The following B3GNT2 variants were observed in gnomAD, a reference collection of about 807,000 sequenced individuals.
B3GNT2 encodes UDP-GlcNAc:betaGal beta-1,3-N-acetylglucosaminyltransferase 2, also known as N-acetyllactosaminide beta-1,3-N-acetylglucosaminyltransferase 2.
In B3GNT2, 12 loss-of-function variants were observed where a neutral mutation model predicts 27.6. The observed-to-expected ratio is 0.44, with a 90% confidence interval of 0.28 to 0.71. The LOEUF (loss-of-function observed/expected upper bound fraction) is 0.71, where lower values mean the gene tolerates loss of function less well. Ranked by LOEUF, B3GNT2 falls within the 30% of genes least tolerant of loss-of-function variation. The pLI is 0.17. For missense variants in B3GNT2, 413 were observed against 488.5 expected, an observed-to-expected ratio of 0.85 and a Z score of 1.46; for synonymous variants, 192 against 189.7, an observed-to-expected ratio of 1.01 and a Z score of -0.10.
intron 1 of B3GNT2, among the ~76,000 whole-genome samples, chr2:62,212,216 A>G (rs1357316266): frequency 6.6e-6 from 1 of 152,164 alleles, no homozygotes; most frequent in African/African-American, 2.4e-5. Flanking sequence ...GTGCATGCGC[A>G]TGCTTTTCCT....
rs113826839 is a variant in B3GNT2, at chr2:62,202,639, C to A, written c.-10+6284C>A. ...AAGATGGGCCTGAGCGTGAATGAGGCGAGCCTGACCCCGGGCAGGTCATTG... is the reference window on the plus strand; with the variant it reads ...AAGATGGGCCTGAGCGTGAATGAGGAGAGCCTGACCCCGGGCAGGTCATTG... On this transcript the variant is annotated intron_variant, in intron 1 of 1. Coordinates refer to ENST00000301998, the MANE Select transcript of B3GNT2 (RefSeq NM_006577.6). Among the ~76,000 whole-genome samples the A allele has an allele frequency of 2.0e-5, 3 of 152,130 alleles. No homozygotes were observed. The East Asian group carries it at 5.8e-4, about 29-fold the overall frequency.
At chr2:62,217,950 C>G (rs897363264) in intron 1 of B3GNT2, among the ~76,000 whole-genome samples, 1 of 152,146 alleles carries the variant, frequency 6.6e-6, no homozygotes, top group African/African-American at 2.4e-5. Context: ...CTGTTGGGGA[C>G]AAGGTAAAAA....
chr2:62,204,018 T>C (rs1674321640), intron 1 of B3GNT2, among the ~76,000 whole-genome samples: 1 of 152,114 alleles, frequency 6.6e-6, no homozygotes, highest in South Asian at 2.1e-4. Flanking sequence ...CTTGCTGCAG[T>C]TTATTTGTGC....
Position 62,223,470 on chromosome 2 carries a change from TGTG to T in B3GNT2, c.*57_*59del. ...GGTGTATTTTGAATAGTTCCCATGT[TGTG>T]TTCTCACATTAGAGTAATTTCTATA... On this transcript the variant is annotated 3_prime_UTR_variant, in exon 2 of 2. Transcript: ENST00000301998. The T allele has an allele frequency of 1.4e-6, 2 of 1,411,518 alleles. No homozygotes were observed. The highest frequency in any genetic ancestry group is 1.9e-6 in the Non-Finnish European group (2 of 1,034,172). The allele number at this position is 1,411,518 out of a possible 1,614,324, so 87.4% of individuals were successfully genotyped here. A position where few individuals can be genotyped will look rare whatever the true frequency, so the allele number is the denominator to read the frequency against.
At chr2:62,196,937 C>T (rs553029812) in intron 1 of B3GNT2, among the ~76,000 whole-genome samples, 2 of 151,842 alleles carry the variant, frequency 1.3e-5, no homozygotes, top group African/African-American at 4.8e-5. Flanking sequence ...CAGCCGCTCC[C>T]CACCCCCCAC....
At position 62,212,177 on chromosome 2, in the gene B3GNT2, A is replaced by G. The variant is rs1165940800; in HGVS notation, c.-9-10035A>G. ...GCTCTGAAGGGGACCTTGTAGGAGG[A>G]AGGGATTTTTCTTCCTGATTTCATA... is the stretch of plus-strand genomic sequence containing the variant. On this transcript the variant is annotated intron_variant, in intron 1 of 1. Transcript: ENST00000301998. 5.9e-5 allele frequency among the ~76,000 whole-genome samples: 9 copies of G among 152,150 alleles called. No homozygotes were observed. The South Asian group carries it at 1.0e-3, about 18-fold the overall frequency.
At position 62,222,126 on chromosome 2, in the gene B3GNT2, A is replaced by G. The variant is rs746695592; in HGVS notation, c.-9-86A>G. On this transcript the variant is annotated intron_variant, in intron 1 of 1. Coordinates refer to ENST00000301998, the MANE Select transcript of B3GNT2 (RefSeq NM_006577.6). The surrounding 1 kb of genome is among the most constrained non-coding windows in gnomAD (Gnocchi z 4.2). ...TGTAGAGTCTTTGCTGTAAACCACT[A>G]TTCCTGGGGAGACAGGTAAAATAAA... 50 of 1,215,274 alleles carry G rather than the reference A, an allele frequency of 4.1e-5. No individual in the cohort carries two copies. The highest frequency in any genetic ancestry group is 5.5e-5 in the Non-Finnish European group (48 of 872,482). 75.3% of individuals were successfully genotyped at this position (1,215,274 alleles called of 1,614,324 possible).
chr2:62,210,774 A>AAAT (rs543749395), intron 1 of B3GNT2, among the ~76,000 whole-genome samples: 12 of 151,946 alleles, frequency 7.9e-5, no homozygotes, highest in Non-Finnish European at 7.4e-5. Flanking sequence ...ATCTCAAAAA[A>AAAT]AATAATAATA....
intron 1 of B3GNT2, chr2:62,221,895 C>T: frequency 1.8e-6 from 1 of 540,570 alleles, no homozygotes; most frequent in Admixed American, 2.0e-5. Flanking sequence ...TTCAGCATGT[C>T]TCAAACAGTC....
At position 62,222,727 on chromosome 2, in the gene B3GNT2, C is replaced by A. The variant is rs537607171; in HGVS notation, c.507C>A (p.Ser169Arg). 4 of 1,614,238 alleles carry A rather than the reference C, an allele frequency of 2.5e-6. No homozygotes were observed. The South Asian group carries it at 4.4e-5, about 18-fold the overall frequency. ...TCCGGGAATCCTGGGGCCAAGAAAG[C>A]AACGCAGGGAACCAAACGGTGGTGC... ...QAIRESWGQE[S>R]NAGNQTVVRV... is the part of the protein sequence containing the mutation. Residue 169 changes from serine (S) to arginine (R), a missense_variant, in exon 2 of 2, where the codon AGC becomes AGA. Transcript: ENST00000301998. This position sits in a 1 kb window ranked among gnomAD's most constrained non-coding sequence, Gnocchi z 4.2.
At chr2:62,196,998 C>A (rs1461080574) in intron 1 of B3GNT2, among the ~76,000 whole-genome samples, 2 of 150,244 alleles carry the variant, frequency 1.3e-5, no homozygotes, top group Non-Finnish European at 3.0e-5. Context: ...TGGTTTCTGC[C>A]AAACTTAGGG....
At chr2:62,218,113 G>GGTAA (rs1674610204) in intron 1 of B3GNT2, among the ~76,000 whole-genome samples, 2 of 152,204 alleles carry the variant, frequency 1.3e-5, no homozygotes, top group Non-Finnish European at 2.9e-5. Flanking sequence ...TCCTGCTGAA[G>GGTAA]AAAGGACATT....
intron 1 of B3GNT2, among the ~76,000 whole-genome samples, chr2:62,214,898 C>T (rs1289016895): frequency 1.3e-5 from 2 of 152,158 alleles, no homozygotes; most frequent in Non-Finnish European, 2.9e-5. Flanking sequence ...TTTTAAATTG[C>T]ATAATCTTTC....
intron 1 of B3GNT2, among the ~76,000 whole-genome samples, chr2:62,216,708 G>A (rs1674581976): frequency 6.6e-6 from 1 of 152,174 alleles, no homozygotes; most frequent in South Asian, 2.1e-4. Flanking sequence ...CCAGCCCATA[G>A]CTTCCGATTA....
At chr2:62,196,885 G>T (rs918996111) in intron 1 of B3GNT2, among the ~76,000 whole-genome samples, 1 of 152,040 alleles carries the variant, frequency 6.6e-6, no homozygotes, top group Admixed American at 6.5e-5. Flanking sequence ...CTCCCGTGCC[G>T]CATGGGGAGA....
intron 1 of B3GNT2, among the ~76,000 whole-genome samples, chr2:62,218,355 A>G (rs1674616467): frequency 6.6e-6 from 1 of 152,188 alleles, no homozygotes; most frequent in Non-Finnish European, 1.5e-5. Flanking sequence ...TGTTTTCTCC[A>G]CCTTCCTCTT....
intron 1 of B3GNT2, among the ~76,000 whole-genome samples, chr2:62,207,418 A>G (rs1674397287): frequency 6.6e-6 from 1 of 152,092 alleles, no homozygotes; most frequent in Non-Finnish European, 1.5e-5. Context: ...GAGGGACAAG[A>G]ATTGCCAAGT....
intron 1 of B3GNT2, among the ~76,000 whole-genome samples, chr2:62,196,721 A>G (rs569800789): frequency 2.6e-5 from 4 of 151,840 alleles, no homozygotes; most frequent in East Asian, 2.0e-4. Context: ...CTGCACCCCA[A>G]CTTCCGGGGG....
rs1311414699 is a variant in B3GNT2, at chr2:62,222,638, A to G, written c.418A>G (p.Lys140Glu). ...TATAGATCAGCCGGATAAGTGTGCA[A>G]AGAAACCTTTCTTGTTGCTGGCGAT... ...LLIDQPDKCA[K>E]KPFLLLAIKS... Residue 140 changes from lysine (K) to glutamate (E), a missense_variant, in exon 2 of 2, where the codon AAG becomes GAG. Lys to Glu is a moderately conservative substitution (Grantham distance 56). Coordinates refer to ENST00000301998, the MANE Select transcript of B3GNT2 (RefSeq NM_006577.6). The surrounding 1 kb of genome is among the most constrained non-coding windows in gnomAD (Gnocchi z 4.2). 3 of 1,614,224 alleles carry G rather than the reference A, an allele frequency of 1.9e-6. No individual in the cohort carries two copies. The highest frequency in any genetic ancestry group is 2.2e-5 in the South Asian group (2 of 91,086).
Sources: allele counts gnomAD v4.1 joint callset (sites outside exome capture counted in the v4.1 genomes callset), GRCh38; gene constraint gnomAD v4.1.1; non-coding constraint Gnocchi (gnomAD v3.1); transcripts MANE v1.5; gene names NCBI Gene and HGNC (gene_info 2026-07-23, HGNC 2026-07-21).